GALNT14: variants seen among roughly 807,000 people sequenced by gnomAD.
GALNT14 encodes UDP-GalNAc:polypeptide N-acetylgalactosaminyltransferase 14.
Under a neutral mutation model 77.5 loss-of-function variants are expected in GALNT14, and 60 were observed. That is an observed-to-expected ratio of 0.77 (90% confidence interval 0.63 to 0.96). GALNT14 has a LOEUF of 0.96. Among genes scored for constraint, GALNT14 ranks in the 40% least tolerant of loss-of-function variants. GALNT14 has a pLI of 0.00. For synonymous variants in GALNT14, 280 were observed against 281.7 expected (o/e 0.99, Z 0.06); for missense variants, 710 against 731.0 (o/e 0.97, Z 0.33).
chr2:30,955,470 G>T, intron 6 of GALNT14, 148 bp downstream of exon 6: 1 of 1,087,254 alleles, frequency 9.2e-7, no homozygotes, highest in Non-Finnish European at 1.3e-6. Flanking sequence ...CTCTACCTTA[G>T]TTCCTTCATC....
intron 10 of GALNT14, among the ~76,000 whole-genome samples, 181 bp from the exon 11 acceptor site, chr2:30,929,668 T>C (rs1345218478): frequency 6.6e-6 from 1 of 152,110 alleles, no homozygotes; most frequent in African/African-American, 2.4e-5. Context: ...CCCCACCCAA[T>C]CTCCAAAGGG....
At chr2:31,137,763 A>T (rs1679292808) in intron 1 of GALNT14, among the ~76,000 whole-genome samples, 195 bp downstream of exon 1, 2 of 152,076 alleles carry the variant, frequency 1.3e-5, no homozygotes, top group Non-Finnish European at 2.9e-5. Flanking sequence ...ACTCATGCAC[A>T]CCGCGGGTCC....
chr2:30,989,581 T>TATATATATATATAAAA (rs1384068782), intron 2 of GALNT14, among the ~76,000 whole-genome samples: 1 of 108,180 alleles, frequency 9.2e-6, no homozygotes, highest in African/African-American at 4.8e-5. Flanking sequence ...TATATATATA[T>TATATATATATATAAAA]AAAAATATAT....
chr2:30,981,532 A>T (rs965777279), intron 2 of GALNT14, among the ~76,000 whole-genome samples: 2 of 151,986 alleles, frequency 1.3e-5, no homozygotes, highest in African/African-American at 4.8e-5. Flanking sequence ...AGGGCATGAG[A>T]GGGTGGAGAA....
chr2:31,057,503 A>G (rs11684365), intron 1 of GALNT14, among the ~76,000 whole-genome samples: 63,232 of 149,220 alleles, frequency 0.42, 13,920 homozygotes, highest in African/African-American at 0.53. Context: ...AGCCTGGGAG[A>G]CTCAACTTGG....
intron 9 of GALNT14, among the ~76,000 whole-genome samples, chr2:30,937,115 T>C (rs1666102367): frequency 6.6e-6 from 1 of 152,254 alleles, no homozygotes; most frequent in Non-Finnish European, 1.5e-5. Flanking sequence ...GATGAGGTCA[T>C]GTCCCTAATC....
At chr2:30,999,419 G>C in intron 1 of GALNT14, among the ~76,000 whole-genome samples, 1 of 152,166 alleles carries the variant, frequency 6.6e-6, no homozygotes, top group East Asian at 1.9e-4. Context: ...TTTAGTGGCA[G>C]CTATTATAAT....
intron 1 of GALNT14, among the ~76,000 whole-genome samples, chr2:31,115,526 G>T (rs1008137906): frequency 2.6e-5 from 4 of 152,102 alleles, no homozygotes; most frequent in African/African-American, 9.7e-5. Context: ...AATCTAATTA[G>T]GTAATATTAA....
At chr2:30,910,160 T>C (rs1365974929), downstream of GALNT14, among the ~76,000 whole-genome samples, 1 of 151,466 alleles carries the variant, frequency 6.6e-6, no homozygotes, top group Non-Finnish European at 1.5e-5. Context: ...TGTATACATA[T>C]GTAACTAACC....
intron 1 of GALNT14, among the ~76,000 whole-genome samples, chr2:31,013,783 G>T (rs957125645): frequency 6.6e-6 from 1 of 151,992 alleles, no homozygotes; most frequent in Non-Finnish European, 1.5e-5. Context: ...ATGAAGAGGT[G>T]GTTCAAAATA....
intron 1 of GALNT14, among the ~76,000 whole-genome samples, chr2:31,082,349 C>A (rs1410362027): frequency 6.6e-6 from 1 of 152,232 alleles, no homozygotes; most frequent in Non-Finnish European, 1.5e-5. Context: ...CAACTCTTGT[C>A]TCTTGCAGAA....
At chr2:30,889,759 T>G in the GALNT14 span, among the ~76,000 whole-genome samples, 222 of 152,314 alleles carry the variant, frequency 1.5e-3, 9 homozygotes, top group East Asian at 0.038. Context: ...TTTTCATGTA[T>G]TGTATACTTA....
intron 3 of GALNT14, among the ~76,000 whole-genome samples, chr2:30,961,348 G>A (rs1217101787): frequency 2.2e-4 from 33 of 152,144 alleles, no homozygotes; most frequent in Admixed American, 1.3e-4. Context: ...ACCCAAGGCC[G>A]GCTGACAGTT....
chr2:31,060,583 T>C (rs1012683617), intron 1 of GALNT14, among the ~76,000 whole-genome samples: 1 of 152,206 alleles, frequency 6.6e-6, no homozygotes, highest in Non-Finnish European at 1.5e-5. Flanking sequence ...AATGCTGTAA[T>C]AGCAGCTCCT....
chr2:30,892,557 T>C, the GALNT14 span, among the ~76,000 whole-genome samples: 3 of 152,352 alleles, frequency 2.0e-5, no homozygotes, highest in Middle Eastern at 3.4e-3. Context: ...GACTGCCCTT[T>C]GTCTGGACTA....
intron 1 of GALNT14, among the ~76,000 whole-genome samples, chr2:31,103,118 A>G (rs1188513251): frequency 6.6e-6 from 1 of 152,088 alleles, no homozygotes; most frequent in South Asian, 2.1e-4. Flanking sequence ...TTATATTTAG[A>G]TATGACAAAT....
At chr2:30,961,381 G>C (rs139327738) in intron 3 of GALNT14, among the ~76,000 whole-genome samples, 1 of 152,276 alleles carries the variant, frequency 6.6e-6, no homozygotes, top group East Asian at 1.9e-4. Flanking sequence ...TCTGGAGTGA[G>C]ACTAACTTGG....
chr2:31,121,861 C>T (rs901335585), intron 1 of GALNT14, among the ~76,000 whole-genome samples: 1 of 152,142 alleles, frequency 6.6e-6, no homozygotes, highest in East Asian at 1.9e-4. Flanking sequence ...CCCACCTCTG[C>T]CCTGCCCCAA....
intron 2 of GALNT14, among the ~76,000 whole-genome samples, chr2:30,968,455 G>A (rs75388986): frequency 2.0e-5 from 3 of 152,170 alleles, no homozygotes; most frequent in African/African-American, 7.2e-5. Flanking sequence ...TGCAGGCTCT[G>A]CCTTGGCCAC....
Sources: allele counts gnomAD v4.1 joint callset (sites outside exome capture counted in the v4.1 genomes callset), GRCh38; gene constraint gnomAD v4.1.1; transcripts MANE v1.5; gene names NCBI Gene and HGNC (gene_info 2026-07-23, HGNC 2026-07-21).